MGAT4C: variants seen among roughly 807,000 people sequenced by gnomAD.
The protein encoded by MGAT4C is MGAT4 family member C, also known as alpha-1,3-mannosyl-glycoprotein 4-beta-N-acetylglucosaminyltransferase C.
Under a neutral mutation model 40.1 loss-of-function variants are expected in MGAT4C, and 19 were observed. The ratio of observed to expected loss-of-function variants is 0.47; its 90% confidence interval spans 0.33 to 0.70. The LOEUF is 0.70. MGAT4C is among the 30% of genes least tolerant of loss of function. MGAT4C has a pLI of 0.02. For missense variants in MGAT4C, 491 were observed against 563.2 expected (o/e 0.87, Z 1.30); for synonymous variants, 181 against 187.1 (o/e 0.97, Z 0.27).
At chr12:86,189,129 C>T (rs967779867) in intron 1 of MGAT4C, among the ~76,000 whole-genome samples, 1 of 151,610 alleles carries the variant, frequency 6.6e-6, no homozygotes, top group African/African-American at 2.4e-5. Context: ...CTAGAAATAG[C>T]GTTGATTTTT....
chr12:86,064,720 A>T (rs1894356728), intron 1 of MGAT4C, among the ~76,000 whole-genome samples: 1 of 152,186 alleles, frequency 6.6e-6, no homozygotes, highest in Admixed American at 6.5e-5. Context: ...AGATCAGAGC[A>T]GAACTGAAGG....
intron 2 of MGAT4C, among the ~76,000 whole-genome samples, chr12:86,681,910 C>A (rs1949990347): frequency 6.6e-6 from 1 of 151,868 alleles, no homozygotes; most frequent in Non-Finnish European, 1.5e-5. Context: ...GACTTGAAAC[C>A]CAGGCAGCTT....
chr12:86,493,799 AT>A (rs560155970), intron 2 of MGAT4C, among the ~76,000 whole-genome samples: 30 of 152,036 alleles, frequency 2.0e-4, no homozygotes, highest in African/African-American at 6.5e-4. Context: ...AAGTATAATA[AT>A]AATAAAATAA....
intron 3 of MGAT4C, among the ~76,000 whole-genome samples, chr12:86,364,442 A>C (rs1227785405): frequency 6.6e-6 from 1 of 152,110 alleles, no homozygotes; most frequent in Non-Finnish European, 1.5e-5. Context: ...CTTACATTTA[A>C]ATCTTTAATC....
chr12:86,038,663 C>G (rs573347893), intron 2 of MGAT4C, among the ~76,000 whole-genome samples: 1 of 149,876 alleles, frequency 6.7e-6, no homozygotes, highest in Non-Finnish European at 1.5e-5. Flanking sequence ...GAATACAGCA[C>G]ACCGATGGGT....
chr12:86,036,167 A>T (rs187774560), intron 2 of MGAT4C, among the ~76,000 whole-genome samples: 1 of 150,340 alleles, frequency 6.7e-6, no homozygotes, highest in African/African-American at 2.4e-5. Flanking sequence ...TACTTTAAGC[A>T]GTGTGGCCAT....
intron 1 of MGAT4C, among the ~76,000 whole-genome samples, chr12:86,198,938 G>T (rs1399802465): frequency 6.6e-6 from 1 of 152,150 alleles, no homozygotes; most frequent in East Asian, 1.9e-4. Context: ...ATCTGTGCCA[G>T]AATTTGTTCA....
chr12:86,295,848 A>G (rs2136133631), intron 4 of MGAT4C, among the ~76,000 whole-genome samples: 2 of 152,132 alleles, frequency 1.3e-5, no homozygotes, highest in Middle Eastern at 6.8e-3. Flanking sequence ...ACCTTGAGCT[A>G]AACACAGGGT....
chr12:86,339,032 T>G (rs1316563257), intron 3 of MGAT4C, among the ~76,000 whole-genome samples: 1 of 151,340 alleles, frequency 6.6e-6, no homozygotes, highest in African/African-American at 2.4e-5. Flanking sequence ...CATTTATCTG[T>G]CAGATGCTGC....
chr12:86,520,976 G>T (rs1958784037), intron 2 of MGAT4C, among the ~76,000 whole-genome samples: 1 of 152,080 alleles, frequency 6.6e-6, no homozygotes, highest in Non-Finnish European at 1.5e-5. Context: ...TTAGACACTT[G>T]CCAGATATAT....
At chr12:86,253,331 G>A (rs568043733) in intron 1 of MGAT4C, among the ~76,000 whole-genome samples, 2 of 151,840 alleles carry the variant, frequency 1.3e-5, no homozygotes, top group Admixed American at 1.3e-4. Context: ...CTGTATTAAG[G>A]GAGGGAGGGA....
At position 85,962,998 on chromosome 12, in the gene MGAT4C, T is replaced by G. The variant is rs572310963; in HGVS notation, c.*16291A>C. ...CCTAGAGTTCAAACACTGATCTTTTTAAGTGGCAAATTGTCCAAAAGAATT... is the reference window on the plus strand; with the variant it reads ...CCTAGAGTTCAAACACTGATCTTTTGAAGTGGCAAATTGTCCAAAAGAATT... On this transcript the variant is annotated 3_prime_UTR_variant, in exon 5 of 5. Coordinates refer to ENST00000611864, the MANE Select transcript of MGAT4C (RefSeq NM_001351288.2). The G allele has an allele frequency of 6.6e-6, 1 of 151,906 alleles. No individual in the cohort carries two copies. Among genetic ancestry groups the G allele is most frequent in the East Asian group, 1.9e-4 (1 of 5,170 alleles). The allele number at this position is 151,906 out of a possible 1,614,324, so 9.4% of individuals were successfully genotyped here. A position where few individuals can be genotyped will look rare whatever the true frequency, so the allele number is the denominator to read the frequency against.
chr12:86,787,273 TTAAGA>T (rs1951945919), intron 1 of MGAT4C, among the ~76,000 whole-genome samples: 1 of 152,132 alleles, frequency 6.6e-6, no homozygotes, highest in African/African-American at 2.4e-5. Context: ...CTTATCTCAC[TTAAGA>T]TAATGACAAG....
intron 1 of MGAT4C, among the ~76,000 whole-genome samples, chr12:86,158,077 A>G (rs1885172801): frequency 6.6e-6 from 1 of 152,228 alleles, no homozygotes; most frequent in Non-Finnish European, 1.5e-5. Context: ...TTATATTGAA[A>G]ACGATACATT....
intron 1 of MGAT4C, among the ~76,000 whole-genome samples, chr12:86,215,268 TA>T (rs139841798): frequency 0.044 from 6,622 of 152,174 alleles, 204 homozygotes; most frequent in Non-Finnish European, 0.065. Context: ...TTCTAGGGTT[TA>T]AAAAAAATTA....
chr12:86,409,317 A>C (rs1376179259), intron 3 of MGAT4C, among the ~76,000 whole-genome samples: 2 of 152,206 alleles, frequency 1.3e-5, no homozygotes, highest in Non-Finnish European at 2.9e-5. Context: ...AAGCACTGAA[A>C]GAATTCAATG....
At chr12:86,038,606 C>A (rs1891482308) in intron 2 of MGAT4C, among the ~76,000 whole-genome samples, 1 of 148,782 alleles carries the variant, frequency 6.7e-6, no homozygotes, top group Non-Finnish European at 1.5e-5. Context: ...TCCTCCATCC[C>A]TTTATTTTGA....
chr12:86,333,674 C>T (rs1482631278), intron 4 of MGAT4C, among the ~76,000 whole-genome samples: 1 of 151,850 alleles, frequency 6.6e-6, no homozygotes, highest in Admixed American at 6.6e-5. Flanking sequence ...AAATATATGT[C>T]CTAAGTATTT....
intron 2 of MGAT4C, among the ~76,000 whole-genome samples, chr12:86,032,452 C>T (rs1377286314): frequency 1.3e-5 from 2 of 149,450 alleles, no homozygotes; most frequent in Non-Finnish European, 3.0e-5. Flanking sequence ...TAATAATAGC[C>T]ATTACGACTG....
Sources: gnomAD v4.1 joint callset for allele counts (sites outside exome capture counted in the v4.1 genomes callset) on GRCh38, gnomAD v4.1.1 for gene constraint, MANE v1.5 for transcripts, NCBI Gene and HGNC (gene_info 2026-07-23, HGNC 2026-07-21) for gene names.